Variants in ALG12 observed in about 807,000 individuals in gnomAD.
ALG12 encodes ALG12 alpha-1,6-mannosyltransferase.
ALG12 carries 36 observed loss-of-function variants against 46.0 expected under a neutral mutation model. The ratio of observed to expected loss-of-function variants is 0.78; its 90% CI spans 0.60 to 1.03. The LOEUF (loss-of-function observed/expected upper bound fraction) is 1.03, where lower values mean the gene tolerates loss of function less well. Ranked by LOEUF, ALG12 falls within the 50% of genes least tolerant of loss-of-function variation. ALG12 has a pLI of 0.00. For missense variants in ALG12, 599 were observed against 633.5 expected (o/e 0.95, Z 0.58); for synonymous variants, 326 against 291.6 (o/e 1.12, Z -1.20).
At chr22:49,876,349 G>C in the ALG12 span, among the ~76,000 whole-genome samples, 39 of 151,982 alleles carry the variant, frequency 2.6e-4, no homozygotes, top group Admixed American at 2.5e-3. Context: ...TGTACCTGTT[G>C]GTTACTTATT....
the ALG12 span, among the ~76,000 whole-genome samples, chr22:49,865,926 G>A: frequency 6.7e-6 from 1 of 149,816 alleles, no homozygotes; most frequent in African/African-American, 2.5e-5. Flanking sequence ...TGCCCAGGCT[G>A]GTCTCAAACT....
chr22:49,885,646 A>G, the ALG12 span: 2 of 1,612,408 alleles, frequency 1.2e-6, no homozygotes, highest in South Asian at 2.2e-5. Flanking sequence ...CACAAGTCTC[A>G]TAGCTGAAAT....
rs2060500457 is a variant in ALG12 at position 49,900,699 on chromosome 22, G to A, written c.*3139C>T. 6.6e-6 allele frequency: 1 copy of A among 152,300 alleles called. No homozygotes were observed. Among genetic ancestry groups the A allele is most frequent in the Non-Finnish European group, 1.5e-5 (1 of 68,108 alleles). The allele number at this position is 152,300 out of a possible 1,614,324, so 9.4% of individuals were successfully genotyped here. ...ATGCGTGAGGATGCTGCTGTTGCTG[G>A]GGGCCAGGGTCCTCAGGGTGGAGAT... On this transcript the variant is annotated 3_prime_UTR_variant, in exon 10 of 10. Coordinates refer to ENST00000330817, the MANE Select transcript of ALG12 (RefSeq NM_024105.4).
chr22:49,886,101 C>T, the ALG12 span: 406 of 679,664 alleles, frequency 6.0e-4, 2 homozygotes, highest in African/African-American at 3.7e-3. This position sits in a 1 kb window ranked among gnomAD's most constrained non-coding sequence, Gnocchi z 7.7. Context: ...ACGCCAGCAT[C>T]GGGAAGACGC....
At chr22:49,886,018 A>G in the ALG12 span, 1 of 689,118 alleles carries the variant, frequency 1.5e-6, no homozygotes. The surrounding 1 kb of genome is among the most constrained non-coding windows in gnomAD (Gnocchi z 7.7). Context: ...CAGCATTCAG[A>G]AGCAGCTGGA....
the ALG12 span, among the ~76,000 whole-genome samples, chr22:49,865,903 G>A: frequency 6.6e-6 from 1 of 151,082 alleles, no homozygotes; most frequent in African/African-American, 2.4e-5. Context: ...TAGAGCTGGG[G>A]GTCTCACTAT....
chr22:49,880,344 G>A, the ALG12 span, among the ~76,000 whole-genome samples: 1 of 152,360 alleles, frequency 6.6e-6, no homozygotes, highest in South Asian at 2.1e-4. Context: ...ATGCAGATCA[G>A]TATTCAGCCA....
the ALG12 span, among the ~76,000 whole-genome samples, chr22:49,865,161 C>T: frequency 8.5e-5 from 13 of 152,184 alleles, no homozygotes; most frequent in East Asian, 5.8e-4. Context: ...CCTGTCACTC[C>T]GAGGCTGCAA....
chr22:49,862,748 C>T, the ALG12 span, among the ~76,000 whole-genome samples: 1 of 119,876 alleles, frequency 8.3e-6, no homozygotes, highest in African/African-American at 3.2e-5. Context: ...GTCGCCCAGG[C>T]TGGAGTGCAG....
downstream of ALG12, among the ~76,000 whole-genome samples, chr22:49,896,910 G>A (rs1335924585): frequency 6.6e-6 from 1 of 151,846 alleles, no homozygotes; most frequent in Non-Finnish European, 1.5e-5. Context: ...CAAAGTGCTG[G>A]GATCCCAGGC....
chr22:49,871,935 G>A, the ALG12 span, among the ~76,000 whole-genome samples: 2 of 151,894 alleles, frequency 1.3e-5, no homozygotes, highest in Non-Finnish European at 2.9e-5. Context: ...TAGTAGAGAC[G>A]AGGTTTCACC....
intron 2 of ALG12, 29 bp from the exon 3 acceptor site, chr22:49,913,546 C>CG: frequency 6.2e-7 from 1 of 1,613,890 alleles, no homozygotes; most frequent in Non-Finnish European, 8.5e-7. Flanking sequence ...GTCAGTGCAC[C>CG]GGGGCCCTGC....
chr22:49,896,029 T>C (rs1265454678), downstream of ALG12, among the ~76,000 whole-genome samples: 1 of 152,208 alleles, frequency 6.6e-6, no homozygotes, highest in Non-Finnish European at 1.5e-5. Flanking sequence ...CTGCTGGGTC[T>C]CCGCCCACCA....
intron 3 of ALG12, among the ~76,000 whole-genome samples, chr22:49,911,983 CTG>C (rs2060579206): frequency 1.3e-5 from 2 of 152,230 alleles, no homozygotes; most frequent in African/African-American, 4.8e-5. Flanking sequence ...TCAGCCTCGG[CTG>C]CGGGATCACC....
rs1387876842 is a variant in ALG12, at chr22:49,902,612, G to A, written c.*1226C>T. On this transcript the variant is annotated 3_prime_UTR_variant, in exon 10 of 10. Coordinates refer to ENST00000330817, the MANE Select transcript of ALG12 (RefSeq NM_024105.4). ...GTGTGTATGCATGGTGTGTGCACGT[G>A]TGCACTGTGTATGCATGGTAATGTG... is the stretch of plus-strand genomic sequence containing the variant. 6.8e-6 allele frequency: 1 copy of A among 147,062 alleles called. No individual in the cohort carries two copies. Among genetic ancestry groups the A allele is most frequent in the Non-Finnish European group, 1.5e-5 (1 of 67,736 alleles). 9.1% of individuals were successfully genotyped at this position (147,062 alleles called of 1,614,324 possible).
intron 3 of ALG12, 88 bp from the exon 4 acceptor site, chr22:49,910,695 C>T: frequency 1.4e-6 from 2 of 1,478,228 alleles, no homozygotes; most frequent in Non-Finnish European, 1.9e-6. Context: ...ACAGATCTTT[C>T]TATATGGAGT....
chr22:49,884,677 G>C, the ALG12 span: 4 of 1,608,020 alleles, frequency 2.5e-6, no homozygotes, highest in Non-Finnish European at 3.4e-6. Context: ...CCGCGCCATC[G>C]TGTTGCAGGA....
the ALG12 span, chr22:49,887,179 A>T: frequency 6.2e-7 from 1 of 1,603,030 alleles, no homozygotes; most frequent in Non-Finnish European, 8.5e-7. Context: ...TCAGTATTGA[A>T]ACTCACGACG....
intron 6 of ALG12, among the ~76,000 whole-genome samples, chr22:49,908,622 T>C (rs73181156): frequency 0.1 from 14,625 of 144,856 alleles, 1,761 homozygotes; most frequent in South Asian, 0.23. Context: ...TATGCGTGTA[T>C]GTTTGACATA....
Sources: allele counts gnomAD v4.1 joint callset (sites outside exome capture counted in the v4.1 genomes callset), GRCh38; gene constraint gnomAD v4.1.1; non-coding constraint Gnocchi (gnomAD v3.1); transcripts MANE v1.5; gene names NCBI Gene and HGNC (gene_info 2026-07-23, HGNC 2026-07-21).